The following THSD7B variants were observed in gnomAD, a reference collection of about 807,000 sequenced individuals.
THSD7B encodes thrombospondin type 1 domain containing 7B.
THSD7B carries 138 observed loss-of-function variants against 213.6 expected under a neutral mutation model. The ratio of observed to expected loss-of-function variants is 0.65; its 90% CI spans 0.56 to 0.74. The LOEUF (loss-of-function observed/expected upper bound fraction) is 0.74. THSD7B is among the 30% of genes least tolerant of loss of function. The probability of loss-of-function intolerance (pLI) is 0.00; values close to 1 mark genes in which losing one functional copy is unlikely to be tolerated. For missense variants in THSD7B, 1,931 were observed against 1,991.5 expected (o/e 0.97, Z 0.58); for synonymous variants, 742 against 687.0 (o/e 1.08, Z -1.25).
rs767186529 is a variant in THSD7B at position 137,232,909 on chromosome 2, A to C, written c.1926A>C (p.Pro642=). ...TCTTATTTTTGGCAGGTGGAAAGCC[A>C]TGTCCCCCTAGTCAGGCTCTCCAAG... ...ILALAGEGGK[P]CPPSQALQEH... Residue 642 remains proline (P), a synonymous_variant, in exon 9 of 28, where the codon CCA becomes CCC. Transcript: ENST00000409968. The C allele has an allele frequency of 6.8e-6, 11 of 1,613,888 alleles. No individual in the cohort carries two copies. The South Asian group carries it at 1.2e-4, about 18-fold the overall frequency.
intron 5 of THSD7B, 73 bp downstream of exon 5, chr2:137,115,366 C>A (rs907584560): frequency 3.9e-5 from 54 of 1,384,262 alleles, no homozygotes; most frequent in Non-Finnish European, 4.8e-5. Flanking sequence ...TCCAAGTATT[C>A]TTCTTGAAAT....
chr2:136,905,887 G>A (rs530149948), intron 2 of THSD7B, among the ~76,000 whole-genome samples: 1 of 152,312 alleles, frequency 6.6e-6, no homozygotes, highest in Non-Finnish European at 1.5e-5. Context: ...GGAGGGGAGG[G>A]AGGCATGCAT....
intron 15 of THSD7B, among the ~76,000 whole-genome samples, chr2:137,502,002 G>C (rs1016556214): frequency 6.6e-6 from 1 of 152,152 alleles, no homozygotes; most frequent in African/African-American, 2.4e-5. Flanking sequence ...GCAAGCTAAA[G>C]TGTTGATTTG....
intron 7 of THSD7B, among the ~76,000 whole-genome samples, chr2:137,218,645 C>A (rs1221412497): frequency 6.6e-6 from 1 of 152,040 alleles, no homozygotes; most frequent in Non-Finnish European, 1.5e-5. Flanking sequence ...GAAATCTATA[C>A]ATTCATGATA....
chr2:136,882,238 C>A lies in THSD7B; in HGVS notation c.60C>A (p.Leu20=). Residue 20 remains leucine, a synonymous_variant, in exon 2 of 28, where the codon CTC becomes CTA. Transcript: ENST00000409968. ...GGGTATGGAGGAGCATGAGGAAGCT[C>A]TTTCTATTGCTTTCTCTCTTGCTGT... The part of the protein sequence containing the change: ...TCWVWRSMRK[L]FLLLSLLLSH... The A allele has an allele frequency of 6.5e-7, 1 of 1,544,986 alleles. No individual in the cohort carries two copies. Among genetic ancestry groups the A allele is most frequent in the Non-Finnish European group, 8.7e-7 (1 of 1,144,592 alleles).
chr2:136,829,048 G>A (rs1480246565), intron 1 of THSD7B, among the ~76,000 whole-genome samples: 1 of 152,016 alleles, frequency 6.6e-6, no homozygotes, highest in Non-Finnish European at 1.5e-5. Context: ...CCTTTCCAAG[G>A]CCACTCTATT....
chr2:137,629,077 A>G (rs1448920), intron 20 of THSD7B, among the ~76,000 whole-genome samples: 1 of 152,080 alleles, frequency 6.6e-6, no homozygotes, highest in East Asian at 1.9e-4. Context: ...AAACACAGTT[A>G]TTGGCACACT....
intron 14 of THSD7B, among the ~76,000 whole-genome samples, chr2:137,413,628 T>A (rs957452444): frequency 2.6e-5 from 4 of 152,154 alleles, no homozygotes; most frequent in Non-Finnish European, 5.9e-5. Flanking sequence ...AGGAAAGGTG[T>A]TTTGGATAAA....
At chr2:137,072,413 T>C (rs1342312999) in intron 3 of THSD7B, among the ~76,000 whole-genome samples, 2 of 150,638 alleles carry the variant, frequency 1.3e-5, no homozygotes, top group Admixed American at 6.6e-5. Flanking sequence ...CTGTCTGTTA[T>C]TGGTGTATAA....
intron 14 of THSD7B, among the ~76,000 whole-genome samples, chr2:137,449,141 A>C (rs781602620): frequency 1.5e-5 from 2 of 134,450 alleles, no homozygotes; most frequent in Non-Finnish European, 3.4e-5. Context: ...AGAACAATTA[A>C]GAAAAAGAAA....
chr2:137,617,694 A>T (rs1388651409), intron 18 of THSD7B, among the ~76,000 whole-genome samples: 1 of 152,210 alleles, frequency 6.6e-6, no homozygotes, highest in Non-Finnish European at 1.5e-5. Flanking sequence ...ATTGCTATAG[A>T]CTAAGTAGCT....
intron 15 of THSD7B, among the ~76,000 whole-genome samples, chr2:137,529,581 A>T (rs1242086343): frequency 6.8e-6 from 1 of 145,988 alleles, no homozygotes; most frequent in East Asian, 2.0e-4. Flanking sequence ...AGGGATTTAG[A>T]ATCCTTCTAA....
At chr2:136,903,992 G>C (rs537945100) in intron 2 of THSD7B, among the ~76,000 whole-genome samples, 1 of 149,762 alleles carries the variant, frequency 6.7e-6, no homozygotes, top group Admixed American at 6.7e-5. Context: ...TTCTGAGCTG[G>C]GCCGGCAGCA....
At chr2:137,390,174 G>C (rs1330419412) in intron 12 of THSD7B, among the ~76,000 whole-genome samples, 3 of 152,058 alleles carry the variant, frequency 2.0e-5, no homozygotes, top group African/African-American at 7.2e-5. Context: ...AATTCTTTTG[G>C]TCATGAGCGT....
intron 10 of THSD7B, among the ~76,000 whole-genome samples, chr2:137,266,957 AG>A (rs1682604875): frequency 6.6e-6 from 1 of 152,232 alleles, no homozygotes; most frequent in South Asian, 2.1e-4. Flanking sequence ...ACACTAATTC[AG>A]TGTGATGTTC....
intron 2 of THSD7B, among the ~76,000 whole-genome samples, chr2:136,906,007 C>T (rs1353629921): frequency 6.6e-6 from 1 of 152,212 alleles, no homozygotes; most frequent in Non-Finnish European, 1.5e-5. Flanking sequence ...CAGGTTTCCC[C>T]TCAATAGTGA....
intron 9 of THSD7B, among the ~76,000 whole-genome samples, chr2:137,236,549 A>G (rs1395437470): frequency 6.6e-6 from 1 of 152,260 alleles, no homozygotes; most frequent in Non-Finnish European, 1.5e-5. Context: ...ATGATAATAA[A>G]GATTGAAAAC....
chr2:137,178,827 G>A (rs989135503), intron 7 of THSD7B, among the ~76,000 whole-genome samples: 1 of 152,140 alleles, frequency 6.6e-6, no homozygotes, highest in Non-Finnish European at 1.5e-5. Context: ...TGCTGCATAC[G>A]TAGACATTGC....
intron 4 of THSD7B, 38 bp downstream of exon 4, chr2:137,095,159 C>T: frequency 6.2e-7 from 1 of 1,604,750 alleles, no homozygotes; most frequent in African/African-American, 1.3e-5. Context: ...GTGAAGGAGG[C>T]ATAATTTAAT....
Sources: allele counts gnomAD v4.1 joint callset (sites outside exome capture counted in the v4.1 genomes callset), GRCh38; gene constraint gnomAD v4.1.1; transcripts MANE v1.5; gene names NCBI Gene and HGNC (gene_info 2026-07-23, HGNC 2026-07-21).